The following THBS4 variants were observed in gnomAD, a reference collection of about 807,000 sequenced individuals.
THBS4 encodes the protein thrombospondin-4.
In THBS4, 90 loss-of-function variants were observed where a neutral mutation model predicts 115.7. The ratio of observed to expected loss-of-function variants is 0.78; its 90% CI spans 0.66 to 0.93. THBS4 has a LOEUF of 0.93. Among genes scored for constraint, THBS4 ranks in the 40% least tolerant of loss-of-function variants. THBS4 has a pLI of 0.00. For missense variants in THBS4, 1,087 were observed against 1,232.7 expected (o/e 0.88, Z 1.77); for synonymous variants, 460 against 479.3 (o/e 0.96, Z 0.53).
rs1383409625 is a variant in THBS4 at position 80,035,594 on chromosome 5, G to C, written c.57G>C (p.Trp19Cys). The C allele has an allele frequency of 4.9e-6, 7 of 1,430,206 alleles. No homozygotes were observed. Among genetic ancestry groups the C allele is most frequent in the African/African-American group, 1.5e-5 (1 of 68,256 alleles). The allele number at this position is 1,430,206 out of a possible 1,614,324, so 88.6% of individuals were successfully genotyped here. ...VLLLHLVLQRWLAAGAQATPQ... is the reference protein window; with the variant it reads ...VLLLHLVLQRCLAAGAQATPQ... ...TGCTGCACCTGGTCCTGCAGCGGTG[G>C]CTAGCGGCAGGCGCCCAGGCCACCC... The change falls in exon 1 of 22, where the codon TGG (tryptophan) becomes TGC (cysteine). Residue 19 changes from tryptophan (W) to cysteine (C), a missense_variant. By Grantham distance (215) the Trp-to-Cys change is radical. Coordinates refer to ENST00000350881, the MANE Select transcript of THBS4 (RefSeq NM_003248.6). The surrounding 1 kb of genome is among the most constrained non-coding windows in gnomAD (Gnocchi z 4.6).
chr5:80,037,518 A>G (rs2112022325), intron 1 of THBS4, among the ~76,000 whole-genome samples: 1 of 152,328 alleles, frequency 6.6e-6, no homozygotes, highest in East Asian at 1.9e-4. Flanking sequence ...AATAACATTA[A>G]TAGAAAATGG....
intron 15 of THBS4, 34 bp downstream of exon 15, chr5:80,073,361 T>C: frequency 1.2e-6 from 2 of 1,601,046 alleles, no homozygotes; most frequent in East Asian, 2.2e-5. Context: ...GAGAGACAGA[T>C]GCAAACATCC....
At chr5:80,080,771 G>C (rs989714920) in intron 20 of THBS4, among the ~76,000 whole-genome samples, 2 of 151,234 alleles carry the variant, frequency 1.3e-5, no homozygotes, top group African/African-American at 4.9e-5. Flanking sequence ...ATTTTTAGTA[G>C]AGATGGGGTT....
chr5:80,043,118 A>C (rs190019019), intron 2 of THBS4, among the ~76,000 whole-genome samples: 4 of 152,336 alleles, frequency 2.6e-5, no homozygotes, highest in African/African-American at 9.6e-5. Flanking sequence ...AGAATCTAGA[A>C]ATGAGAATTC....
chr5:80,075,201 CAGTT>C, intron 15 of THBS4: 1 of 152,194 alleles, frequency 6.6e-6, no homozygotes, highest in Non-Finnish European at 1.5e-5. Context: ...TTTCAATCCT[CAGTT>C]GGTTGAATCT....
intron 2 of THBS4, among the ~76,000 whole-genome samples, chr5:80,045,824 C>G (rs1833049676): frequency 6.6e-6 from 1 of 152,138 alleles, no homozygotes; most frequent in Non-Finnish European, 1.5e-5. Flanking sequence ...AGCAACCATG[C>G]CCGGCCCTAT....
intron 2 of THBS4, among the ~76,000 whole-genome samples, chr5:80,047,372 T>C (rs910852070): frequency 2.6e-5 from 4 of 152,188 alleles, no homozygotes; most frequent in African/African-American, 9.7e-5. Flanking sequence ...TGGACCCCGT[T>C]TTTTTGTTTT....
intron 2 of THBS4, among the ~76,000 whole-genome samples, chr5:80,012,176 G>A (rs1472831184): frequency 1.3e-5 from 2 of 151,888 alleles, no homozygotes; most frequent in African/African-American, 4.8e-5. Flanking sequence ...ATAAAGGAAG[G>A]AGACCAAGAA....
chr5:80,021,462 C>A (rs1832372876), intron 2 of THBS4, among the ~76,000 whole-genome samples: 1 of 151,992 alleles, frequency 6.6e-6, no homozygotes, highest in Non-Finnish European at 1.5e-5. Context: ...CACATACACA[C>A]ATATGTATAG....
intron 1 of THBS4, among the ~76,000 whole-genome samples, chr5:79,996,244 T>A (rs1431616353): frequency 6.6e-6 from 1 of 152,194 alleles, no homozygotes; most frequent in Non-Finnish European, 1.5e-5. Flanking sequence ...AAATTAGTAT[T>A]AAGGCGATAA....
Position 80,058,802 on chromosome 5 carries a change from G to A in THBS4, c.732+12G>A, listed in dbSNP as rs375883491. Reference sequence around the variant, plus strand: ...TTCTGAGACAGCAGGTAACAAGCGGGACATATCATCAGAAAAGCCCTCGTC... The same window carrying A: ...TTCTGAGACAGCAGGTAACAAGCGGAACATATCATCAGAAAAGCCCTCGTC... On this transcript the variant is annotated intron_variant, in intron 5 of 21. Transcript: ENST00000350881. 14 of 1,611,740 alleles carry A rather than the reference G, an allele frequency of 8.7e-6. No individual in the cohort carries two copies. The highest frequency in any genetic ancestry group is 6.7e-5 in the Admixed American group (4 of 59,620).
At chr5:80,041,426 C>T (rs1832898303) in intron 2 of THBS4, among the ~76,000 whole-genome samples, 1 of 152,140 alleles carries the variant, frequency 6.6e-6, no homozygotes, top group African/African-American at 2.4e-5. Context: ...AACATTCAGC[C>T]CATGACAGCC....
upstream of THBS4, among the ~76,000 whole-genome samples, chr5:80,034,924 G>C (rs998675073): frequency 6.6e-6 from 1 of 152,130 alleles, no homozygotes; most frequent in African/African-American, 2.4e-5. Flanking sequence ...ACCCAAGGTG[G>C]GCATTCAAAG....
intron 2 of THBS4, among the ~76,000 whole-genome samples, chr5:80,003,110 G>C (rs1416094943): frequency 6.6e-6 from 1 of 152,136 alleles, no homozygotes; most frequent in Non-Finnish European, 1.5e-5. Flanking sequence ...TCCTGGGATG[G>C]AGAAAGGGTA....
intron 1 of THBS4, among the ~76,000 whole-genome samples, chr5:80,038,201 T>C (rs774413930): frequency 1.3e-5 from 2 of 152,200 alleles, no homozygotes; most frequent in East Asian, 1.9e-4. Flanking sequence ...TTAAAACTTA[T>C]ATTTATGCAA....
rs1344373465 is a variant in THBS4 at position 80,040,075 on chromosome 5, A to G, written c.89-2A>G. ...ATACCCCTTCTTCTCCCTTCTTCCC[A>G]GTCTTTGACCTTCTCCCATCTTCCA... is the stretch of plus-strand genomic sequence containing the variant. On this transcript the variant is annotated splice_acceptor_variant, in intron 1 of 21. Coordinates refer to ENST00000350881, the MANE Select transcript of THBS4 (RefSeq NM_003248.6). LOFTEE classifies it high-confidence loss of function. The G allele has an allele frequency of 6.2e-7, 1 of 1,612,806 alleles. No homozygotes were observed. Among genetic ancestry groups the G allele is most frequent in the East Asian group, 2.2e-5 (1 of 44,856 alleles).
intron 2 of THBS4, among the ~76,000 whole-genome samples, chr5:80,021,475 A>T (rs1204358352): frequency 6.6e-6 from 1 of 152,096 alleles, no homozygotes; most frequent in Non-Finnish European, 1.5e-5. Flanking sequence ...ATGTATAGGC[A>T]TATGAGATAA....
At chr5:80,016,072 G>T (rs1832239726) in intron 2 of THBS4, among the ~76,000 whole-genome samples, 1 of 152,140 alleles carries the variant, frequency 6.6e-6, no homozygotes, top group African/African-American at 2.4e-5. Context: ...CCCTTCCCTG[G>T]ACAGTATTCA....
chr5:80,015,617 C>T (rs1832231127), intron 2 of THBS4, among the ~76,000 whole-genome samples: 1 of 152,176 alleles, frequency 6.6e-6, no homozygotes, highest in Non-Finnish European at 1.5e-5. Flanking sequence ...ACATCATCCT[C>T]ATCATTAGTA....
Sources: allele counts gnomAD v4.1 joint callset (sites outside exome capture counted in the v4.1 genomes callset), GRCh38; gene constraint gnomAD v4.1.1; non-coding constraint Gnocchi (gnomAD v3.1); transcripts MANE v1.5; gene names NCBI Gene and HGNC (gene_info 2026-07-23, HGNC 2026-07-21).